Variants in ANKRD36C observed in about 807,000 individuals in gnomAD.
ANKRD36C encodes ankyrin repeat domain 36C, also known as ankyrin repeat domain-containing protein 36C.
A neutral mutation model predicts 276.4 loss-of-function variants in ANKRD36C; 61 were observed. That is an observed-to-expected ratio of 0.22 (90% CI 0.18 to 0.27). The LOEUF is 0.27. ANKRD36C is among the 10% of genes least tolerant of loss of function. The pLI is 1.00. For missense variants in ANKRD36C, 1,447 were observed against 2,032.3 expected (o/e 0.71, Z 5.54); for synonymous variants, 483 against 680.1 (o/e 0.71, Z 4.51).
rs368960513 is a variant in ANKRD36C, at chr2:95,915,526, A to G, written c.2449+454T>C. Among the ~76,000 whole-genome samples, 198 of 151,110 alleles carry G rather than the reference A, an allele frequency of 1.3e-3. 1 individual carries two copies. The South Asian group carries it at 0.014, about 11-fold the overall frequency. Reference sequence around the variant, plus strand: ...TTCCCACCTTCCTGCCTCACAATCCATCTTCATTCGGAAAATAATTGCTAC... The same window carrying G: ...TTCCCACCTTCCTGCCTCACAATCCGTCTTCATTCGGAAAATAATTGCTAC... On this transcript the variant is annotated intron_variant, in intron 38 of 66. Coordinates refer to ENST00000456556, the Ensembl canonical transcript of ANKRD36C.
At chr2:95,893,782 A>G in intron 44 of ANKRD36C, 58 bp from the exon 63 acceptor site, 1 of 1,601,102 alleles carries the variant, frequency 6.2e-7, no homozygotes, top group South Asian at 1.1e-5. Flanking sequence ...AGATATCCAT[A>G]GATTCATGCA....
At chr2:95,892,198 T>C (rs1480361931) in intron 44 of ANKRD36C, among the ~76,000 whole-genome samples, 1 of 151,512 alleles carries the variant, frequency 6.6e-6, no homozygotes, top group Non-Finnish European at 1.5e-5. Flanking sequence ...TGAGAATAAA[T>C]GTCAAAGCAG....
intron 42 of ANKRD36C, 107 bp downstream of exon 44, chr2:95,912,137 T>C (rs1676947166): frequency 1.4e-6 from 2 of 1,441,906 alleles, no homozygotes; most frequent in Non-Finnish European, 1.9e-6. Flanking sequence ...ATCTCAGGCC[T>C]GCTGAATCAG....
intron 44 of ANKRD36C, among the ~76,000 whole-genome samples, chr2:95,892,792 G>A (rs1676413112): frequency 6.6e-6 from 1 of 151,154 alleles, no homozygotes; most frequent in Non-Finnish European, 1.5e-5. Flanking sequence ...CCTTGAACAA[G>A]GAAGCCAATG....
intron 44 of ANKRD36C, chr2:95,893,591 C>G (rs1274956928): frequency 1.3e-6 from 2 of 1,576,376 alleles, no homozygotes; most frequent in Admixed American, 3.6e-5. Context: ...CAGAATCTTC[C>G]TCGTCACCTG....
intron 61 of ANKRD36C, among the ~76,000 whole-genome samples, chr2:95,857,806 C>T (rs1313625194): frequency 2.0e-5 from 3 of 146,360 alleles, no homozygotes; most frequent in African/African-American, 7.3e-5. Context: ...CTTTGTTTTC[C>T]TTCCTTTCTA....
intron 5 of ANKRD36C, among the ~76,000 whole-genome samples, chr2:95,980,007 T>C (rs966315633): frequency 2.0e-5 from 3 of 152,062 alleles, no homozygotes; most frequent in South Asian, 2.1e-4. Flanking sequence ...CTTTGAAGCC[T>C]TTTTATGGAT....
chr2:95,890,065 G>A, intron 46 of ANKRD36C, 71 bp from the exon 67 acceptor site: 1 of 1,547,516 alleles, frequency 6.5e-7, no homozygotes, highest in Non-Finnish European at 8.9e-7. Flanking sequence ...TTCATACAGT[G>A]TTAGCATCAA....
At position 95,921,604 on chromosome 2, in the gene ANKRD36C, T is replaced by C. The variant is rs770796722; in HGVS notation, c.2245+3A>G. 6.2e-7 allele frequency: 1 copy of C among 1,604,966 alleles called. No individual in the cohort carries two copies. The highest frequency in any genetic ancestry group is 8.5e-7 in the Non-Finnish European group (1 of 1,175,106). Reference sequence around the variant, plus strand: ...TGACATTAAATGTCTTTTGCAAAATTACCTGTCCCAGATTTTTCTCCATCC... The same window carrying C: ...TGACATTAAATGTCTTTTGCAAAATCACCTGTCCCAGATTTTTCTCCATCC... On this transcript the variant is annotated splice_donor_region_variant and intron_variant, in intron 34 of 66. Coordinates refer to ENST00000456556, the Ensembl canonical transcript of ANKRD36C.
At chr2:95,963,971 AAAT>A (rs1678521121) in intron 6 of ANKRD36C, among the ~76,000 whole-genome samples, 1 of 49,372 alleles carries the variant, frequency 2.0e-5, no homozygotes, top group Non-Finnish European at 3.7e-5. Context: ...ATATATATAT[AAAT>A]ATATATATAT....
At chr2:95,860,219 T>C in intron 60 of ANKRD36C, 145 bp from the exon 81 acceptor site, 1 of 666,056 alleles carries the variant, frequency 1.5e-6, no homozygotes, top group Non-Finnish European at 2.5e-6. Flanking sequence ...GATATTATAG[T>C]AAGGTCTGCA....
At chr2:95,893,145 G>A (rs1676425108) in intron 44 of ANKRD36C, among the ~76,000 whole-genome samples, 1 of 151,338 alleles carries the variant, frequency 6.6e-6, no homozygotes, top group Non-Finnish European at 1.5e-5. Context: ...GTGTGTACGG[G>A]TTATTACAAG....
chr2:95,893,466 T>G, intron 44 of ANKRD36C, 67 bp downstream of exon 64: 5 of 1,527,312 alleles, frequency 3.3e-6, no homozygotes, highest in Non-Finnish European at 4.4e-6. Flanking sequence ...CCCGCTGATT[T>G]ATTTGGGGAA....
intron 46 of ANKRD36C, among the ~76,000 whole-genome samples, chr2:95,891,458 A>G (rs1408620314): frequency 6.6e-6 from 1 of 151,362 alleles, no homozygotes; most frequent in Admixed American, 6.6e-5. Flanking sequence ...CCCACTTTCA[A>G]TGGGGGGAAG....
At chr2:95,987,206 C>T in exon 2 of ANKRD36C, 1 of 1,540,180 alleles carries the variant, frequency 6.5e-7, no homozygotes, top group Non-Finnish European at 8.7e-7. Flanking sequence ...GTAGGGCGGT[C>T]CTGTGAGAGT....
exon 63 of ANKRD36C, chr2:95,855,926 C>A (rs539931775): frequency 6.2e-7 from 1 of 1,613,590 alleles, no homozygotes; most frequent in Admixed American, 1.7e-5. Context: ...TAGAACGGAG[C>A]GTTGTGTTTT....
chr2:95,913,324 T>C (rs542490480), intron 40 of ANKRD36C, among the ~76,000 whole-genome samples: 22 of 151,134 alleles, frequency 1.5e-4, no homozygotes, highest in African/African-American at 2.4e-4. Flanking sequence ...CTAAAGAAGT[T>C]TCATTAAATA....
chr2:95,896,390 TGACCA>T (rs1676550953), intron 44 of ANKRD36C, among the ~76,000 whole-genome samples: 8 of 148,492 alleles, frequency 5.4e-5, no homozygotes, highest in Admixed American at 5.4e-4. Context: ...TCATTGAAAA[TGACCA>T]TTTTAGGAGT....
downstream of ANKRD36C, among the ~76,000 whole-genome samples, chr2:95,850,903 A>G (rs571641898): frequency 1.3e-5 from 2 of 152,322 alleles, no homozygotes; most frequent in East Asian, 3.9e-4. Flanking sequence ...GTGGCAGAAG[A>G]AAAGTGTAGG....
Sources: gnomAD v4.1 joint callset for allele counts (sites outside exome capture counted in the v4.1 genomes callset) on GRCh38, gnomAD v4.1.1 for gene constraint, MANE v1.5 for transcripts, NCBI Gene and HGNC (gene_info 2026-07-23, HGNC 2026-07-21) for gene names.